CCDC178: variants seen among roughly 807,000 people sequenced by gnomAD.
CCDC178 encodes the protein coiled-coil domain-containing protein 178.
Under a neutral mutation model 117.4 loss-of-function variants are expected in CCDC178, and 126 were observed. The ratio of observed to expected loss-of-function variants is 1.07; its 90% CI spans 0.93 to 1.24. The LOEUF is 1.24. Ranked by LOEUF, CCDC178 falls within the 50% of genes most tolerant of loss-of-function variation. The probability of loss-of-function intolerance (pLI) is 0.00; values close to 1 mark genes in which losing one functional copy is unlikely to be tolerated. For synonymous variants in CCDC178, 283 were observed against 313.4 expected (o/e 0.90, Z 1.02); for missense variants, 1,030 against 986.9 (o/e 1.04, Z -0.59).
At chr18:33,231,592 T>G (rs948008161) in intron 15 of CCDC178, among the ~76,000 whole-genome samples, 2 of 152,174 alleles carry the variant, frequency 1.3e-5, no homozygotes, top group Non-Finnish European at 2.9e-5. Flanking sequence ...ACTTTTGGAG[T>G]AAAGCTAGGC....
intron 22 of CCDC178, among the ~76,000 whole-genome samples, chr18:32,946,340 C>T (rs2054346941): frequency 6.6e-6 from 1 of 152,194 alleles, no homozygotes; most frequent in Admixed American, 6.5e-5. Flanking sequence ...GGCTTATCCA[C>T]CACTTTTCTT....
intron 4 of CCDC178, among the ~76,000 whole-genome samples, chr18:33,394,943 G>GTGTATATATATA (rs1222110972): frequency 1.6e-5 from 1 of 61,504 alleles, no homozygotes; most frequent in African/African-American, 6.0e-5. Flanking sequence ...ATATGTATGT[G>GTGTATATATATA]TATATATATA....
At position 32,981,855 on chromosome 18, in the gene CCDC178, C is replaced by T. The variant is rs562198247; in HGVS notation, c.2389-7174G>A. ...CTTCATCCCACTCATACAATTAACA[C>T]AGTTGTTGGTTAGTGACTTCATAAC... On this transcript the variant is annotated intron_variant, in intron 21 of 22. Coordinates refer to ENST00000383096, the MANE Select transcript of CCDC178 (RefSeq NM_001105528.4). Among the ~76,000 whole-genome samples the T allele has an allele frequency of 2.0e-5, 3 of 152,260 alleles. No individual in the cohort carries two copies. The East Asian group carries it at 5.8e-4, about 29-fold the overall frequency.
At chr18:33,267,326 G>T in intron 12 of CCDC178, 29 bp from the exon 13 acceptor site, 1 of 1,269,422 alleles carries the variant, frequency 7.9e-7, no homozygotes. Context: ...AGAACAAAGT[G>T]AATTGTATAG....
intron 6 of CCDC178, among the ~76,000 whole-genome samples, chr18:33,364,645 T>C (rs112704683): frequency 1.3e-4 from 19 of 150,102 alleles, no homozygotes; most frequent in African/African-American, 4.7e-4. Context: ...CAGCTCTAGG[T>C]GGGTGGGGGA....
intron 21 of CCDC178, among the ~76,000 whole-genome samples, chr18:32,980,563 T>G (rs555120499): frequency 4.9e-4 from 36 of 73,518 alleles, no homozygotes; most frequent in African/African-American, 2.0e-3. Flanking sequence ...AGAACGAGAC[T>G]CCGTCTCAAA....
At chr18:33,176,736 T>C (rs533392491) in intron 20 of CCDC178, among the ~76,000 whole-genome samples, 1 of 152,328 alleles carries the variant, frequency 6.6e-6, no homozygotes, top group South Asian at 2.1e-4. Context: ...TTTTGTTTCA[T>C]ATTTGTGTTT....
chr18:33,275,681 G>A (rs2059940497), intron 12 of CCDC178, among the ~76,000 whole-genome samples: 1 of 102,088 alleles, frequency 9.8e-6, no homozygotes, highest in East Asian at 3.9e-4. Flanking sequence ...GAGGGGAGGG[G>A]AGGAGGGAGG....
At chr18:33,089,859 C>T (rs933135867) in intron 21 of CCDC178, among the ~76,000 whole-genome samples, 8 of 152,180 alleles carry the variant, frequency 5.3e-5, no homozygotes, top group Admixed American at 1.3e-4. Flanking sequence ...TATATTCACA[C>T]GGAAGTATAA....
chr18:32,939,999 T>C (rs1326315689), intron 22 of CCDC178, among the ~76,000 whole-genome samples: 1 of 152,150 alleles, frequency 6.6e-6, no homozygotes, highest in Non-Finnish European at 1.5e-5. Context: ...AAAATGCCAG[T>C]TTACATTCTC....
At chr18:33,191,364 C>A (rs921655441) in intron 20 of CCDC178, among the ~76,000 whole-genome samples, 1 of 151,884 alleles carries the variant, frequency 6.6e-6, no homozygotes, top group African/African-American at 2.4e-5. Flanking sequence ...AAAATTTTGT[C>A]CTAAAAAAAC....
At chr18:33,333,890 A>G (rs1427547558) in intron 9 of CCDC178, among the ~76,000 whole-genome samples, 1 of 152,188 alleles carries the variant, frequency 6.6e-6, no homozygotes, top group Non-Finnish European at 1.5e-5. Flanking sequence ...ATTAAAATAT[A>G]TGTTTCATAA....
chr18:33,058,027 T>C (rs1010546502), intron 21 of CCDC178, among the ~76,000 whole-genome samples: 39 of 152,164 alleles, frequency 2.6e-4, no homozygotes, highest in Non-Finnish European at 5.3e-4. Context: ...GTGGAGAAAT[T>C]GAAACTCACT....
At chr18:33,041,174 A>G (rs1168062623) in intron 21 of CCDC178, among the ~76,000 whole-genome samples, 5 of 151,882 alleles carry the variant, frequency 3.3e-5, no homozygotes, top group Non-Finnish European at 7.4e-5. Context: ...ATATCTATAT[A>G]AACAAATTAG....
intron 20 of CCDC178, among the ~76,000 whole-genome samples, chr18:33,156,255 A>T (rs2058395550): frequency 2.6e-5 from 4 of 151,384 alleles, no homozygotes; most frequent in African/African-American, 7.3e-5. Context: ...CGCCCAGCTA[A>T]TTTTTTGTAT....
At chr18:33,144,525 C>T (rs2058247443) in intron 20 of CCDC178, among the ~76,000 whole-genome samples, 1 of 152,026 alleles carries the variant, frequency 6.6e-6, no homozygotes, top group African/African-American at 2.4e-5. Context: ...AGGTGAGTTT[C>T]TCTTTTTTCA....
intron 6 of CCDC178, among the ~76,000 whole-genome samples, chr18:33,359,229 C>T (rs1454359924): frequency 6.6e-6 from 1 of 151,662 alleles, no homozygotes; most frequent in Non-Finnish European, 1.5e-5. Flanking sequence ...ATCTTTATAG[C>T]TCAATAGAAA....
At chr18:33,353,140 T>A (rs892968960) in intron 7 of CCDC178, among the ~76,000 whole-genome samples, 5 of 152,116 alleles carry the variant, frequency 3.3e-5, no homozygotes, top group Admixed American at 3.3e-4. Flanking sequence ...GGAATGACAC[T>A]TTTATCAGTG....
At chr18:33,281,501 A>G (rs933808304) in intron 12 of CCDC178, among the ~76,000 whole-genome samples, 2 of 152,132 alleles carry the variant, frequency 1.3e-5, no homozygotes, top group African/African-American at 4.8e-5. Flanking sequence ...GCCAATACCA[A>G]CATCTAAATT....
Sources: allele counts gnomAD v4.1 joint callset (sites outside exome capture counted in the v4.1 genomes callset), GRCh38; gene constraint gnomAD v4.1.1; transcripts MANE v1.5; gene names NCBI Gene and HGNC (gene_info 2026-07-23, HGNC 2026-07-21).